The following AKT3 variants were observed in gnomAD, a reference collection of about 807,000 sequenced individuals.
AKT3 encodes AKT serine/threonine kinase 3, also known as RAC-gamma serine/threonine-protein kinase.
In AKT3, 15 loss-of-function variants were observed where a neutral mutation model predicts 65.3. The ratio of observed to expected loss-of-function variants is 0.23; its 90% CI spans 0.15 to 0.35. The LOEUF (loss-of-function observed/expected upper bound fraction) is 0.35. Ranked by LOEUF, AKT3 falls within the 10% of genes least tolerant of loss-of-function variation. The probability of loss-of-function intolerance (pLI) is 1.00; values close to 1 mark genes in which losing one functional copy is unlikely to be tolerated. For synonymous variants in AKT3, 206 were observed against 183.8 expected (o/e 1.12, Z -0.98); for missense variants, 243 against 576.5 (o/e 0.42, Z 5.92).
At position 243,618,914 on chromosome 1, in the gene AKT3, A is replaced by G. The variant is rs533028773; in HGVS notation, c.562-3753T>C. ...GAGAAAAAGAAAATTTCTACCCTTAATGATCAAGAACACCATGAGTGTCAT... is the reference window on the plus strand; with the variant it reads ...GAGAAAAAGAAAATTTCTACCCTTAGTGATCAAGAACACCATGAGTGTCAT... On this transcript the variant is annotated intron_variant, in intron 6 of 13. Coordinates refer to ENST00000673466, the MANE Select transcript of AKT3 (RefSeq NM_005465.7). Among the ~76,000 whole-genome samples, 7 of 152,234 alleles carry G rather than the reference A, an allele frequency of 4.6e-5. No individual in the cohort carries two copies. The South Asian group carries it at 1.5e-3, about 32-fold the overall frequency.
intron 2 of AKT3, among the ~76,000 whole-genome samples, chr1:243,746,759 GATA>G (rs1477203404): frequency 6.6e-6 from 1 of 152,130 alleles, no homozygotes; most frequent in Non-Finnish European, 1.5e-5. Flanking sequence ...TCTTTCCCTT[GATA>G]ATCTCCACTA....
intron 2 of AKT3, among the ~76,000 whole-genome samples, chr1:243,833,657 T>C (rs1486391143): frequency 6.6e-6 from 1 of 152,090 alleles, no homozygotes. Flanking sequence ...AGGTGACTTT[T>C]CATCAGAAAC....
chr1:243,566,276 G>A (rs1674150497), intron 9 of AKT3, among the ~76,000 whole-genome samples: 1 of 152,154 alleles, frequency 6.6e-6, no homozygotes. Context: ...GATCATGGTT[G>A]TGAGAAGAAG....
chr1:243,551,314 A>G lies in AKT3; in HGVS notation c.1163+1415T>C, dbSNP rs889676421. On this transcript the variant is annotated intron_variant, in intron 11 of 13. Coordinates refer to ENST00000673466, the MANE Select transcript of AKT3 (RefSeq NM_005465.7). ...AAAAGCAAGGGAATTAATAGCTGTGAAAGTGCTCTGAAGAAGAAAACAAAA... is the reference window on the plus strand; with the variant it reads ...AAAAGCAAGGGAATTAATAGCTGTGGAAGTGCTCTGAAGAAGAAAACAAAA... Among the ~76,000 whole-genome samples the G allele has an allele frequency of 8.5e-5, 13 of 152,326 alleles. No individual in the cohort carries two copies. In the East Asian group the frequency reaches 2.5e-3, roughly 29 times the overall value.
intron 2 of AKT3, among the ~76,000 whole-genome samples, chr1:243,832,826 G>GTATCTAAACA: frequency 6.6e-6 from 1 of 152,252 alleles, no homozygotes; most frequent in Non-Finnish European, 1.5e-5. Context: ...AAGTATTAGT[G>GTATCTAAACA]TATCTAAACA....
chr1:243,710,608 T>C (rs1238172509), intron 2 of AKT3, among the ~76,000 whole-genome samples: 2 of 152,192 alleles, frequency 1.3e-5, no homozygotes, highest in Non-Finnish European at 2.9e-5. Context: ...TATTCAGTAA[T>C]ATTTACTAGC....
intron 3 of AKT3, among the ~76,000 whole-genome samples, chr1:243,669,683 T>G (rs1683037169): frequency 6.6e-6 from 1 of 152,188 alleles, no homozygotes; most frequent in Non-Finnish European, 1.5e-5. Context: ...CACTAGACTT[T>G]TAGAAGCTAC....
chr1:243,673,399 ATAT>A (rs1473301424), intron 3 of AKT3, among the ~76,000 whole-genome samples: 1 of 150,734 alleles, frequency 6.6e-6, no homozygotes. Context: ...ATTATTGATG[ATAT>A]TATATGTTTT....
At chr1:243,514,176 G>A (rs898484673) in intron 12 of AKT3, among the ~76,000 whole-genome samples, 1 of 152,126 alleles carries the variant, frequency 6.6e-6, no homozygotes, top group Non-Finnish European at 1.5e-5. Flanking sequence ...AAATTCCTGT[G>A]GCTGGAATCG....
At chr1:243,757,903 GGT>G (rs1195659953) in intron 2 of AKT3, among the ~76,000 whole-genome samples, 1 of 151,984 alleles carries the variant, frequency 6.6e-6, no homozygotes, top group Admixed American at 6.6e-5. Flanking sequence ...TGGGACTACA[GGT>G]ACACGCCACC....
intron 4 of AKT3, among the ~76,000 whole-genome samples, chr1:243,662,812 A>C (rs1277122117): frequency 6.6e-6 from 1 of 152,210 alleles, no homozygotes; most frequent in African/African-American, 2.4e-5. Flanking sequence ...ACCAATGGCA[A>C]ATATGAGTAT....
At chr1:243,760,417 T>C (rs924339716) in intron 2 of AKT3, among the ~76,000 whole-genome samples, 1 of 148,722 alleles carries the variant, frequency 6.7e-6, no homozygotes, top group Non-Finnish European at 1.5e-5. Context: ...GGAGCCACCA[T>C]GCCCAACCCA....
At chr1:243,582,871 T>C (rs1675480261) in intron 8 of AKT3, among the ~76,000 whole-genome samples, 1 of 151,892 alleles carries the variant, frequency 6.6e-6, no homozygotes, top group Non-Finnish European at 1.5e-5. Context: ...AGACCCATCT[T>C]ATATATAATG....
intron 1 of AKT3, among the ~76,000 whole-genome samples, chr1:243,845,095 G>A (rs976449035): frequency 7.9e-5 from 12 of 152,082 alleles, no homozygotes; most frequent in African/African-American, 2.4e-4. Flanking sequence ...CCAACCTAGC[G>A]CTAAATTAGA....
chr1:243,684,898 T>C (rs772323536), intron 3 of AKT3, among the ~76,000 whole-genome samples: 6 of 152,244 alleles, frequency 3.9e-5, no homozygotes, highest in Non-Finnish European at 7.3e-5. Flanking sequence ...TGCATTTCTC[T>C]AATGACCAGT....
intron 3 of AKT3, among the ~76,000 whole-genome samples, chr1:243,694,591 TTTA>T (rs1684937931): frequency 6.6e-6 from 1 of 151,942 alleles, no homozygotes; most frequent in African/African-American, 2.4e-5. Flanking sequence ...AACCCTTTGG[TTTA>T]TTGTTTTATC....
At chr1:243,534,251 C>G (rs1671748965) in intron 12 of AKT3, among the ~76,000 whole-genome samples, 1 of 152,098 alleles carries the variant, frequency 6.6e-6, no homozygotes, top group Non-Finnish European at 1.5e-5. Context: ...TAATTTAAGA[C>G]AAAGTAGGGC....
intron 2 of AKT3, among the ~76,000 whole-genome samples, chr1:243,743,742 T>C (rs755739972): frequency 1.4e-4 from 21 of 152,250 alleles, no homozygotes; most frequent in Admixed American, 1.0e-3. Flanking sequence ...CTGGCCAAGG[T>C]TGATGCTACA....
chr1:243,590,078 G>T (rs1676117775), intron 8 of AKT3, among the ~76,000 whole-genome samples: 1 of 152,166 alleles, frequency 6.6e-6, no homozygotes, highest in Non-Finnish European at 1.5e-5. Context: ...ATGGTTGCCA[G>T]GAGCTGGGGT....
Sources: gnomAD v4.1 joint callset for allele counts (sites outside exome capture counted in the v4.1 genomes callset) on GRCh38, gnomAD v4.1.1 for gene constraint, MANE v1.5 for transcripts, NCBI Gene and HGNC (gene_info 2026-07-23, HGNC 2026-07-21) for gene names.